Variants in ANKRD44 observed in about 807,000 individuals in gnomAD.
ANKRD44 encodes the protein serine/threonine-protein phosphatase 6 regulatory ankyrin repeat subunit B.
Under a neutral mutation model 116.0 loss-of-function variants are expected in ANKRD44, and 35 were observed. The ratio of observed to expected loss-of-function variants is 0.30; its 90% CI spans 0.23 to 0.40. The LOEUF (loss-of-function observed/expected upper bound fraction) is 0.40. Among genes scored for constraint, ANKRD44 ranks in the 10% least tolerant of loss-of-function variants. The pLI is 1.00. For synonymous variants in ANKRD44, 435 were observed against 461.8 expected, an observed-to-expected ratio of 0.94 and a Z score of 0.74; for missense variants, 1,014 against 1,242.6, an observed-to-expected ratio of 0.82 and a Z score of 2.77.
At chr2:197,083,557 G>T (rs755158378) in intron 13 of ANKRD44, 48 bp from the exon 14 acceptor site, 3 of 1,577,828 alleles carry the variant, frequency 1.9e-6, no homozygotes, top group Admixed American at 1.8e-5. Flanking sequence ...TAGAAAACAG[G>T]CCTGTTGTTG....
intron 1 of ANKRD44, among the ~76,000 whole-genome samples, chr2:197,205,593 C>T (rs1030950331): frequency 6.6e-6 from 1 of 152,212 alleles, no homozygotes; most frequent in Admixed American, 6.5e-5. Context: ...TGCCATATTG[C>T]CCTCTTCTTG....
At chr2:197,043,700 C>T (rs1328308868) in intron 16 of ANKRD44, among the ~76,000 whole-genome samples, 1 of 151,932 alleles carries the variant, frequency 6.6e-6, no homozygotes, top group Non-Finnish European at 1.5e-5. Flanking sequence ...ATTAGCTTGA[C>T]ACGGGGGAGA....
intron 1 of ANKRD44, among the ~76,000 whole-genome samples, chr2:197,282,217 C>T (rs1233209043): frequency 6.6e-6 from 1 of 152,170 alleles, no homozygotes; most frequent in Non-Finnish European, 1.5e-5. Context: ...CATGCCACTA[C>T]ACTCCAGCCT....
intron 8 of ANKRD44, among the ~76,000 whole-genome samples, chr2:197,119,038 GTA>G (rs1346712737): frequency 2.0e-5 from 3 of 151,788 alleles, no homozygotes; most frequent in African/African-American, 7.3e-5. Context: ...TTATTGATTT[GTA>G]TGAGCTCTTT....
intron 9 of ANKRD44, among the ~76,000 whole-genome samples, chr2:197,100,350 G>A (rs1417579185): frequency 2.0e-5 from 3 of 152,224 alleles, no homozygotes; most frequent in South Asian, 4.1e-4. Flanking sequence ...CAGGAGAATC[G>A]CTTGGACCTG....
At chr2:196,999,999 T>C (rs1471455708) in intron 23 of ANKRD44, among the ~76,000 whole-genome samples, 1 of 152,184 alleles carries the variant, frequency 6.6e-6, no homozygotes, top group African/African-American at 2.4e-5. Context: ...AATTATAGCA[T>C]ATCCATTCAA....
rs1574595396 is a variant in ANKRD44 at position 197,168,240 on chromosome 2, T to TGC, written c.111+18782_111+18783insGC. 2.6e-5 allele frequency among the ~76,000 whole-genome samples: 4 copies of TGC among 152,214 alleles called. No homozygotes were observed. The East Asian group carries it at 7.7e-4, about 29-fold the overall frequency. On this transcript the variant is annotated intron_variant, in intron 2 of 27. Coordinates refer to ENST00000282272, the MANE Select transcript of ANKRD44 (RefSeq NM_001195144.2). Reference sequence around the variant, plus strand: ...GCTATCCCACTGTGCCTGTTGGAATTCTTAACCCACAAAATCCATGAGCAT... The same window carrying TGC: ...GCTATCCCACTGTGCCTGTTGGAATTGCCTTAACCCACAAAATCCATGAGCAT...
rs190060461 is a variant in ANKRD44 at position 197,276,180 on chromosome 2, C to T, written c.27+34398G>A. Among the ~76,000 whole-genome samples the T allele has an allele frequency of 5.0e-3, 738 of 146,890 alleles. 9 individuals are homozygous for T. Among genetic ancestry groups the T allele is most frequent in the African/African-American group, 0.018 (717 of 40,132 alleles). On this transcript the variant is annotated intron_variant, in intron 1 of 27. Coordinates refer to ENST00000282272, the MANE Select transcript of ANKRD44 (RefSeq NM_001195144.2). The stretch of plus-strand genomic sequence containing the variant: ...ATCCCAGCTACTTGGGAGGCTGAAG[C>T]AGGAGAATCACTTGAACCTGGGAGG...
At chr2:197,252,444 T>C (rs2082340126) in intron 1 of ANKRD44, among the ~76,000 whole-genome samples, 1 of 151,982 alleles carries the variant, frequency 6.6e-6, no homozygotes, top group Non-Finnish European at 1.5e-5. Flanking sequence ...GGAGTCTCTG[T>C]CGCCCAGGCT....
intron 2 of ANKRD44, among the ~76,000 whole-genome samples, chr2:197,176,520 G>T (rs1035734403): frequency 1.3e-5 from 2 of 152,030 alleles, no homozygotes; most frequent in Admixed American, 6.5e-5. Flanking sequence ...GTTGTATTTT[G>T]GTGTGACTGA....
At chr2:197,273,222 TGAG>T (rs1479943882) in intron 1 of ANKRD44, among the ~76,000 whole-genome samples, 4 of 152,170 alleles carry the variant, frequency 2.6e-5, no homozygotes, top group African/African-American at 7.2e-5. Flanking sequence ...TGAAGAAAGA[TGAG>T]GAGAAATTTG....
intron 3 of ANKRD44, among the ~76,000 whole-genome samples, chr2:197,140,843 T>A (rs577372761): frequency 4.7e-4 from 72 of 152,314 alleles, no homozygotes; most frequent in African/African-American, 1.6e-3. Context: ...GGTGTTTGTA[T>A]ATGTCCAAAC....
chr2:197,269,092 T>TTTTTG lies in ANKRD44; in HGVS notation c.27+41481_27+41485dup, dbSNP rs545294452. Among the ~76,000 whole-genome samples the TTTTTG allele has an allele frequency of 4.1e-5, 3 of 72,450 alleles. No individual in the cohort carries two copies. In the South Asian group the frequency reaches 1.9e-3, roughly 46 times the overall value. 47.5% of individuals were successfully genotyped at this position (72,450 alleles called of 152,430 possible). ...TGCTGGTAATGTGTTTTTGTTTTTG[T>TTTTTG]TTTTGATCTGGTTGCTACTCATAGA... is the stretch of plus-strand genomic sequence containing the variant. On this transcript the variant is annotated intron_variant, in intron 1 of 27. Coordinates refer to ENST00000282272, the MANE Select transcript of ANKRD44 (RefSeq NM_001195144.2).
intron 1 of ANKRD44, among the ~76,000 whole-genome samples, chr2:197,262,001 A>G (rs2082617224): frequency 6.6e-6 from 1 of 152,218 alleles, no homozygotes; most frequent in South Asian, 2.1e-4. Context: ...TAGAAATCAC[A>G]ACTAAAAATC....
At chr2:197,176,954 T>TA (rs2080379284) in intron 2 of ANKRD44, among the ~76,000 whole-genome samples, 1 of 152,086 alleles carries the variant, frequency 6.6e-6, no homozygotes, top group Admixed American at 6.6e-5. Flanking sequence ...TCTACAAACT[T>TA]ACAGTTGGAA....
At chr2:197,177,487 A>C (rs2080394204) in intron 2 of ANKRD44, among the ~76,000 whole-genome samples, 1 of 152,180 alleles carries the variant, frequency 6.6e-6, no homozygotes, top group African/African-American at 2.4e-5. Flanking sequence ...AATGTGCTCT[A>C]CACTTATTCA....
intron 16 of ANKRD44, among the ~76,000 whole-genome samples, chr2:197,072,612 G>GT (rs1416627300): frequency 6.6e-6 from 1 of 152,190 alleles, no homozygotes; most frequent in Non-Finnish European, 1.5e-5. Context: ...CACTCACAGT[G>GT]TATTTCACTT....
chr2:197,310,696 AG>A lies in ANKRD44; in HGVS notation c.-93del. 8.1e-7 allele frequency: 1 copy of A among 1,235,804 alleles called. No homozygotes were observed. The highest frequency in any genetic ancestry group is 1.0e-6 in the Non-Finnish European group (1 of 962,048). 76.6% of individuals were successfully genotyped at this position (1,235,804 alleles called of 1,614,324 possible). ...GGAAGCGGAAGGGATTGCCAGGAGA[AG>A]GGAAAAAATCTGGCTCCCGAATTTG... On this transcript the variant is annotated 5_prime_UTR_variant, in exon 1 of 28. Coordinates refer to ENST00000282272, the MANE Select transcript of ANKRD44 (RefSeq NM_001195144.2).
At chr2:197,310,517 C>A (rs903561489) in intron 1 of ANKRD44, 61 bp downstream of exon 1, 2 of 1,003,252 alleles carry the variant, frequency 2.0e-6, no homozygotes, top group South Asian at 4.5e-5. Flanking sequence ...CCCATCCCCC[C>A]GCCGGGCTCC....
Sources: allele counts gnomAD v4.1 joint callset (sites outside exome capture counted in the v4.1 genomes callset), GRCh38; gene constraint gnomAD v4.1.1; transcripts MANE v1.5; gene names NCBI Gene and HGNC (gene_info 2026-07-23, HGNC 2026-07-21).